Variants in RASGRF2 observed in about 807,000 individuals in gnomAD.
The protein encoded by RASGRF2 is Ras protein specific guanine nucleotide releasing factor 2.
In RASGRF2, 76 loss-of-function variants were observed where a neutral mutation model predicts 151.0. The ratio of observed to expected loss-of-function variants is 0.50; its 90% confidence interval spans 0.42 to 0.61. The LOEUF (loss-of-function observed/expected upper bound fraction) is 0.61, where lower values mean the gene tolerates loss of function less well. Ranked by LOEUF, RASGRF2 falls within the 20% of genes least tolerant of loss-of-function variation. The pLI, the probability that RASGRF2 is intolerant of heterozygous loss-of-function variation, is 0.00. For missense variants in RASGRF2, 1,148 were observed against 1,564.6 expected (o/e 0.73, Z 4.49); for synonymous variants, 504 against 566.5 (o/e 0.89, Z 1.57).
At chr5:81,110,529 G>A (rs903419906) in intron 13 of RASGRF2, among the ~76,000 whole-genome samples, 1 of 152,124 alleles carries the variant, frequency 6.6e-6, no homozygotes, top group African/African-American at 2.4e-5. Flanking sequence ...TTGTCCTAGT[G>A]TTTCAAATAA....
At position 81,225,878 on chromosome 5, in the gene RASGRF2, C is replaced by T. The variant is rs1755989636; in HGVS notation, c.*108C>T. ...ACAGCACGAAGCCAGGCTCCTTTCT[C>T]CACCAAAGAAGATGGAACCAGACTG... On this transcript the variant is annotated 3_prime_UTR_variant, in exon 27 of 27. Coordinates refer to ENST00000265080, the MANE Select transcript of RASGRF2 (RefSeq NM_006909.3). 8.4e-7 allele frequency: 1 copy of T among 1,188,770 alleles called. No individual in the cohort carries two copies. The highest frequency in any genetic ancestry group is 1.1e-6 in the Non-Finnish European group (1 of 887,078). 73.6% of individuals were successfully genotyped at this position (1,188,770 alleles called of 1,614,324 possible). A position where few individuals can be genotyped will look rare whatever the true frequency, so the allele number is the denominator to read the frequency against.
intron 2 of RASGRF2, among the ~76,000 whole-genome samples, chr5:81,053,208 G>A (rs1751072914): frequency 6.6e-6 from 1 of 151,536 alleles, no homozygotes; most frequent in Non-Finnish European, 1.5e-5. Flanking sequence ...CATGTGCCAT[G>A]TTGGTGTGCT....
At chr5:81,070,112 G>A (rs942809913) in intron 3 of RASGRF2, 2 of 204,936 alleles carry the variant, frequency 9.8e-6, no homozygotes, top group African/African-American at 4.6e-5. Flanking sequence ...TGAGCTGAGT[G>A]TCACTGCATG....
intron 7 of RASGRF2, among the ~76,000 whole-genome samples, chr5:81,081,966 C>T (rs1752099680): frequency 6.6e-6 from 1 of 152,190 alleles, no homozygotes; most frequent in Non-Finnish European, 1.5e-5. Context: ...CAACTATCTA[C>T]ATAATTGGAA....
intron 3 of RASGRF2, chr5:81,070,166 G>T: frequency 3.5e-6 from 1 of 288,848 alleles, no homozygotes; most frequent in Non-Finnish European, 6.8e-6. Flanking sequence ...CAGGCGAGGG[G>T]ATGGACATAT....
At position 81,003,283 on chromosome 5, in the gene RASGRF2, C is replaced by T. The variant is rs769567376; in HGVS notation, c.289-39594C>T. ...TGTCGCCCAGGCTGGAGTGCAATGG[C>T]GCGATCTCGGCTCACTGCAAGCTCC... On this transcript the variant is annotated intron_variant, in intron 1 of 26. Coordinates refer to ENST00000265080, the MANE Select transcript of RASGRF2 (RefSeq NM_006909.3). 5.0e-5 allele frequency among the ~76,000 whole-genome samples: 7 copies of T among 141,204 alleles called. No individual in the cohort carries two copies. The East Asian group carries it at 8.3e-4, about 17-fold the overall frequency. 92.6% of individuals were successfully genotyped at this position (141,204 alleles called of 152,430 possible). A position where few individuals can be genotyped will look rare whatever the true frequency, so the allele number is the denominator to read the frequency against.
At chr5:81,023,888 T>C (rs1749917172) in intron 1 of RASGRF2, among the ~76,000 whole-genome samples, 1 of 152,238 alleles carries the variant, frequency 6.6e-6, no homozygotes, top group South Asian at 2.1e-4. Flanking sequence ...TTTAAGCCAC[T>C]GATTTGTTAT....
chr5:81,113,398 C>T (rs1162338925), intron 14 of RASGRF2, 140 bp from the exon 15 acceptor site: 12 of 983,256 alleles, frequency 1.2e-5, no homozygotes, highest in South Asian at 8.3e-5. Flanking sequence ...ATACATGTAG[C>T]ATTTAGATTA....
At position 80,961,041 on chromosome 5, in the gene RASGRF2, C is replaced by T; in HGVS notation, c.288+15C>T. ...TGGACAAGCAGGTACCGCGCGCCTT[C>T]TCTCCGCGGTCTCCCAGCCTTGATC... is the stretch of plus-strand genomic sequence containing the variant. On this transcript the variant is annotated intron_variant, in intron 1 of 26. Coordinates refer to ENST00000265080, the MANE Select transcript of RASGRF2 (RefSeq NM_006909.3). The T allele has an allele frequency of 6.9e-7, 1 of 1,442,240 alleles. No individual in the cohort carries two copies. The highest frequency in any genetic ancestry group is 9.2e-7 in the Non-Finnish European group (1 of 1,092,478). 89.3% of individuals were successfully genotyped at this position (1,442,240 alleles called of 1,614,324 possible). A position where few individuals can be genotyped will look rare whatever the true frequency, so the allele number is the denominator to read the frequency against.
Position 81,218,660 on chromosome 5 carries a change from A to G in RASGRF2, c.3553-1050A>G, listed in dbSNP as rs373368276. The stretch of plus-strand genomic sequence containing the variant: ...GTCTCCAGATTTGTTCTTTTTGCTT[A>G]GTCTTGCTTTGGCTATGTGGGCTCC... On this transcript the variant is annotated intron_variant, in intron 25 of 26. Transcript: ENST00000265080. Among the ~76,000 whole-genome samples, 15 of 152,270 alleles carry G rather than the reference A, an allele frequency of 9.9e-5. No homozygotes were observed. In the East Asian group the frequency reaches 2.7e-3, roughly 27 times the overall value.
At chr5:81,217,206 C>A in intron 24 of RASGRF2, 150 bp from the exon 25 acceptor site, 1 of 1,148,880 alleles carries the variant, frequency 8.7e-7, no homozygotes, top group Non-Finnish European at 1.2e-6. Flanking sequence ...TAAAATTCTG[C>A]GTATTATGAA....
intron 1 of RASGRF2, among the ~76,000 whole-genome samples, chr5:81,032,921 C>T (rs1218230018): frequency 6.6e-6 from 1 of 152,098 alleles, no homozygotes; most frequent in Non-Finnish European, 1.5e-5. Context: ...TCAAAATCTC[C>T]TTAAGCTGAT....
At chr5:81,033,885 T>C (rs899194066) in intron 1 of RASGRF2, among the ~76,000 whole-genome samples, 3 of 152,300 alleles carry the variant, frequency 2.0e-5, no homozygotes, top group African/African-American at 7.2e-5. Flanking sequence ...GAGAAAATTT[T>C]TACAATCTAC....
chr5:81,006,832 C>CA (rs1408390998), intron 1 of RASGRF2, among the ~76,000 whole-genome samples: 14 of 152,276 alleles, frequency 9.2e-5, no homozygotes, highest in Non-Finnish European at 1.5e-5. Flanking sequence ...ATTAACTGAA[C>CA]ACATGTCTCA....
At chr5:81,131,992 A>G (rs1426724918) in intron 17 of RASGRF2, among the ~76,000 whole-genome samples, 2 of 152,218 alleles carry the variant, frequency 1.3e-5, no homozygotes, top group African/African-American at 4.8e-5. Context: ...TGCAGCTTTT[A>G]GCAGAAGCAT....
intron 1 of RASGRF2, among the ~76,000 whole-genome samples, chr5:80,983,812 T>C (rs1341233810): frequency 6.6e-6 from 1 of 152,222 alleles, no homozygotes; most frequent in African/African-American, 2.4e-5. Flanking sequence ...TGATTACATG[T>C]TGAATGAATA....
chr5:81,220,284 CCTTA>C lies in RASGRF2; in HGVS notation c.3621+509_3621+512del, dbSNP rs553046088. Among the ~76,000 whole-genome samples, 4 of 152,244 alleles carry C rather than the reference CCTTA, an allele frequency of 2.6e-5. No homozygotes were observed. The East Asian group carries it at 7.7e-4, about 29-fold the overall frequency. On this transcript the variant is annotated intron_variant, in intron 26 of 26. Coordinates refer to ENST00000265080, the MANE Select transcript of RASGRF2 (RefSeq NM_006909.3). ...AAGGTTCAGTTCACATCATATACCG[CCTTA>C]CTGTCTCCATCCTAGTCACAAATGG...
intron 16 of RASGRF2, among the ~76,000 whole-genome samples, chr5:81,126,547 G>A (rs190720752): frequency 2.6e-5 from 4 of 152,010 alleles, no homozygotes; most frequent in East Asian, 1.9e-4. Context: ...ACTCATTAGC[G>A]GTCACTCTCC....
At chr5:81,149,475 G>A (rs1482178375) in intron 17 of RASGRF2, among the ~76,000 whole-genome samples, 3 of 152,054 alleles carry the variant, frequency 2.0e-5, no homozygotes, top group Admixed American at 2.0e-4. Context: ...GGGGACTTGG[G>A]AGGAAGGGTG....
Sources: allele counts gnomAD v4.1 joint callset (sites outside exome capture counted in the v4.1 genomes callset), GRCh38; gene constraint gnomAD v4.1.1; transcripts MANE v1.5; gene names NCBI Gene and HGNC (gene_info 2026-07-23, HGNC 2026-07-21).